Variants in NR2F6 observed in about 807,000 individuals in gnomAD.
NR2F6 encodes the protein ERBA-related gene-2.
A neutral mutation model predicts 26.5 loss-of-function variants in NR2F6; 16 were observed. The observed-to-expected ratio is 0.60, with a 90% CI of 0.41 to 0.92. The LOEUF is 0.92. NR2F6 is among the 40% of genes least tolerant of loss of function. The pLI, the probability that NR2F6 is intolerant of heterozygous loss-of-function variation, is 0.00. For missense variants in NR2F6, 536 were observed against 631.7 expected (o/e 0.85, Z 1.62); for synonymous variants, 325 against 305.0 (o/e 1.07, Z -0.68).
chr19:17,242,610 T>TGGGAAGAGGCCCCACTA (rs1482726292), intron 1 of NR2F6, among the ~76,000 whole-genome samples: 2 of 152,118 alleles, frequency 1.3e-5, no homozygotes, highest in African/African-American at 2.4e-5. Flanking sequence ...ACTGAGCCCC[T>TGGGAAGAGGCCCCACTA]GGGAAGAGGC....
rs146056483 is a variant in NR2F6 at position 17,235,101 on chromosome 19, G to A, written c.940+398C>T. 2.4e-3 allele frequency among the ~76,000 whole-genome samples: 367 copies of A among 152,332 alleles called. 1 individual carries two copies. Among genetic ancestry groups the A allele is most frequent in the African/African-American group, 8.3e-3 (345 of 41,596 alleles). On this transcript the variant is annotated intron_variant, in intron 3 of 3. Transcript: ENST00000291442. This position sits in a 1 kb window ranked among gnomAD's most constrained non-coding sequence, Gnocchi z 5.0. ...GGCCTGAGGGGGCCAGAACCAGGGG[G>A]TCAGGACCTTCCCTCCCACGTCCCC...
Position 17,235,580 on chromosome 19 carries a change from C to T in NR2F6, c.859G>A (p.Glu287Lys), listed in dbSNP as rs771868867. 3.1e-6 allele frequency: 5 copies of T among 1,589,692 alleles called. No individual in the cohort carries two copies. Among genetic ancestry groups the T allele is most frequent in the Non-Finnish European group, 4.3e-6 (5 of 1,175,480 alleles). ...AFMDQVRAFQEQVDKLGRLQV... is the reference protein window; with the variant it reads ...AFMDQVRAFQKQVDKLGRLQV... ...AGGCGGCCCAGCTTGTCCACCTGCT[C>T]CTGGAAGGCGCGCACCTGGTCCATG... Residue 287 changes from glutamate to lysine, a missense_variant, in exon 3 of 4, where the codon GAG becomes AAG. Glu to Lys is a moderately conservative substitution (Grantham distance 56). Coordinates refer to ENST00000291442, the MANE Select transcript of NR2F6 (RefSeq NM_005234.4). The surrounding 1 kb of genome is among the most constrained non-coding windows in gnomAD (Gnocchi z 5.0).
In NR2F6 at chr19:17,235,377, A is replaced by AG; in HGVS notation, c.940+121dup. Reference sequence around the variant, plus strand: ...AAGAGCGTTCACTCACGGCGCGTGCAGGGCCCCAGGCCTAGGGAGCGAGCG... The same window carrying AG: ...AAGAGCGTTCACTCACGGCGCGTGCAGGGGCCCCAGGCCTAGGGAGCGAGCG... On this transcript the variant is annotated intron_variant, in intron 3 of 3. Coordinates refer to ENST00000291442, the MANE Select transcript of NR2F6 (RefSeq NM_005234.4). This position sits in a 1 kb window ranked among gnomAD's most constrained non-coding sequence, Gnocchi z 5.0. 6.8e-7 allele frequency: 1 copy of AG among 1,468,456 alleles called. No individual in the cohort carries two copies. Among genetic ancestry groups the AG allele is most frequent in the Non-Finnish European group, 9.0e-7 (1 of 1,116,634 alleles). 91.0% of individuals were successfully genotyped at this position (1,468,456 alleles called of 1,614,324 possible).
chr19:17,243,826 C>A (rs1251332408), intron 1 of NR2F6, among the ~76,000 whole-genome samples: 3 of 152,176 alleles, frequency 2.0e-5, no homozygotes, highest in Non-Finnish European at 4.4e-5. Context: ...ACAGTTCCCC[C>A]ACAGTGCCCC....
At chr19:17,243,822 C>G (rs1228988440) in intron 1 of NR2F6, among the ~76,000 whole-genome samples, 9 of 152,122 alleles carry the variant, frequency 5.9e-5, no homozygotes, top group Non-Finnish European at 1.0e-4. Context: ...CCCCACAGTT[C>G]CCCCACAGTG....
chr19:17,233,138 C>T (rs1405693334), intron 3 of NR2F6, among the ~76,000 whole-genome samples: 1 of 151,974 alleles, frequency 6.6e-6, no homozygotes. Context: ...CAGAGGGAGA[C>T]CCTGTCTCAA....
In NR2F6 at chr19:17,236,795, TC is replaced by T. The variant is rs553468089; in HGVS notation, c.374-731del. 3.6e-3 allele frequency among the ~76,000 whole-genome samples: 476 copies of T among 131,540 alleles called. 12 individuals are homozygous for T. The highest frequency in any genetic ancestry group is 0.011 in the Middle Eastern group (3 of 276). The allele number at this position is 131,540 out of a possible 152,430, so 86.3% of individuals were successfully genotyped here. A position where few individuals can be genotyped will look rare whatever the true frequency, so the allele number is the denominator to read the frequency against. ...GGGGGGGACCTACAGTAAGGAGGGG[TC>T]CCAGGGGGGCTGCCATAGGTCCTCA... On this transcript the variant is annotated intron_variant, in intron 2 of 3. Transcript: ENST00000291442.
At chr19:17,243,922 T>C (rs1038313698) in intron 1 of NR2F6, among the ~76,000 whole-genome samples, 10 of 152,158 alleles carry the variant, frequency 6.6e-5, no homozygotes, top group African/African-American at 2.2e-4. Context: ...TTTGGGCAGC[T>C]GGGAACTGAG....
rs2073431345 is a variant in NR2F6 at position 17,235,587 on chromosome 19, G to A, written c.852C>T (p.Ala284=). The change falls in exon 3 of 4, where the codon GCC becomes GCT. Residue 284 remains alanine, a synonymous_variant. Coordinates refer to ENST00000291442, the MANE Select transcript of NR2F6 (RefSeq NM_005234.4). The surrounding 1 kb of genome is among the most constrained non-coding windows in gnomAD (Gnocchi z 5.0). ...RAVAFMDQVR[A]FQEQVDKLGR... ...CCAGCTTGTCCACCTGCTCCTGGAA[G>A]GCGCGCACCTGGTCCATGAAAGCCA... 3.1e-6 allele frequency: 5 copies of A among 1,587,996 alleles called. No homozygotes were observed. The highest frequency in any genetic ancestry group is 1.7e-4 in the Middle Eastern group (1 of 5,760).
At position 17,245,258 on chromosome 19, in the gene NR2F6, C is replaced by T. The variant is rs2073492148; in HGVS notation, c.-38G>A. On this transcript the variant is annotated 5_prime_UTR_variant, in exon 1 of 4. Coordinates refer to ENST00000291442, the MANE Select transcript of NR2F6 (RefSeq NM_005234.4). This position sits in a 1 kb window ranked among gnomAD's most constrained non-coding sequence, Gnocchi z 5.0. ...GCGGGGCCGGGGCGCCCCCACCGCG[C>T]TCTTCCCTCCGGGCACCCCTCTCGG... 3 of 1,222,762 alleles carry T rather than the reference C, an allele frequency of 2.5e-6. No individual in the cohort carries two copies. The highest frequency in any genetic ancestry group is 3.0e-6 in the Non-Finnish European group (3 of 984,114). 75.7% of individuals were successfully genotyped at this position (1,222,762 alleles called of 1,614,324 possible).
At chr19:17,243,256 G>T (rs779958469) in intron 1 of NR2F6, among the ~76,000 whole-genome samples, 18 of 152,180 alleles carry the variant, frequency 1.2e-4, no homozygotes, top group Non-Finnish European at 2.1e-4. Context: ...CAGACTTGGG[G>T]CATCTGTCTC....
At chr19:17,240,792 C>A (rs748854029) in intron 1 of NR2F6, 27 bp from the exon 2 acceptor site, 4 of 1,608,852 alleles carry the variant, frequency 2.5e-6, no homozygotes, top group African/African-American at 1.3e-5. Flanking sequence ...GCCAGGGCTC[C>A]CTGAGACCCC....
At chr19:17,238,141 G>A (rs1321957038) in intron 2 of NR2F6, among the ~76,000 whole-genome samples, 1 of 152,110 alleles carries the variant, frequency 6.6e-6, no homozygotes, top group Non-Finnish European at 1.5e-5. Context: ...CAAAAACGAT[G>A]TCACCAATCA....
chr19:17,238,926 T>C (rs899595571), intron 2 of NR2F6, among the ~76,000 whole-genome samples: 1 of 151,502 alleles, frequency 6.6e-6, no homozygotes, highest in African/African-American at 2.4e-5. Context: ...AGCTGCCGGG[T>C]GGGGTGGCTC....
chr19:17,235,476 G>A lies in NR2F6; in HGVS notation c.940+23C>T, dbSNP rs1490204502. The A allele has an allele frequency of 1.9e-6, 3 of 1,559,610 alleles. No homozygotes were observed. The highest frequency in any genetic ancestry group is 3.7e-5 in the Admixed American group (2 of 54,140). On this transcript the variant is annotated intron_variant, in intron 3 of 3. Transcript: ENST00000291442. The surrounding 1 kb of genome is among the most constrained non-coding windows in gnomAD (Gnocchi z 5.0). ...CTCCCTTGGGTCCCCCCATCCCGCG[G>A]CCCTCTTCGGAGCGTGGCTCACCGG...
intron 1 of NR2F6, among the ~76,000 whole-genome samples, chr19:17,242,469 C>T (rs2145568743): frequency 6.6e-6 from 1 of 152,254 alleles, no homozygotes; most frequent in East Asian, 1.9e-4. Flanking sequence ...TGGACTGGGT[C>T]AGAGGGGTTC....
chr19:17,233,438 G>A (rs975530170), intron 3 of NR2F6, among the ~76,000 whole-genome samples: 1 of 152,150 alleles, frequency 6.6e-6, no homozygotes, highest in Non-Finnish European at 1.5e-5. Flanking sequence ...GTGACATAGG[G>A]GTGCAGGCAG....
Position 17,235,831 on chromosome 19 carries a change from C to T in NR2F6, c.608G>A (p.Cys203Tyr). ...AGAVLGIDNVCELAARLLFST... is the reference protein window; with the variant it reads ...AGAVLGIDNVYELAARLLFST... The stretch of plus-strand genomic sequence containing the variant: ...GAAGAGCAGCCGCGCCGCCAGCTCG[C>T]ACACGTTGTCGATGCCCAGCACCGC... Residue 203 changes from cysteine (C) to tyrosine (Y), a missense_variant, in exon 3 of 4, where the codon TGC (cysteine) becomes TAC (tyrosine). By Grantham distance (194) the Cys-to-Tyr change is radical. Transcript: ENST00000291442. This position sits in a 1 kb window ranked among gnomAD's most constrained non-coding sequence, Gnocchi z 5.0. 6.8e-7 allele frequency: 1 copy of T among 1,479,542 alleles called. No individual in the cohort carries two copies. Among genetic ancestry groups the T allele is most frequent in the Non-Finnish European group, 8.9e-7 (1 of 1,123,802 alleles). 91.7% of individuals were successfully genotyped at this position (1,479,542 alleles called of 1,614,324 possible).
In NR2F6 at chr19:17,232,487, C is replaced by T. The variant is rs1224090913; in HGVS notation, c.1080G>A (p.Leu360=). 6.8e-6 allele frequency: 11 copies of T among 1,612,062 alleles called. No homozygotes were observed. In the Middle Eastern group the frequency reaches 5.0e-4, roughly 73 times the overall value. ...FGRLLLRLPA[L]RAVPASLISQ... ...AGATGAGGGAGGCAGGGACCGCGCGCAGGGCGGGGAGCCGCAGCAGCAGGC... is the reference window on the plus strand; with the variant it reads ...AGATGAGGGAGGCAGGGACCGCGCGTAGGGCGGGGAGCCGCAGCAGCAGGC... Residue 360 remains leucine, a synonymous_variant, in exon 4 of 4, where the codon CTG becomes CTA. Coordinates refer to ENST00000291442, the MANE Select transcript of NR2F6 (RefSeq NM_005234.4).
Sources: gnomAD v4.1 joint callset for allele counts (sites outside exome capture counted in the v4.1 genomes callset) on GRCh38, gnomAD v4.1.1 for gene constraint, Gnocchi (gnomAD v3.1) non-coding constraint, MANE v1.5 for transcripts, NCBI Gene and HGNC (gene_info 2026-07-23, HGNC 2026-07-21) for gene names.